The following DNAI2 variants were observed in gnomAD, a reference collection of about 807,000 sequenced individuals.
The protein encoded by DNAI2 is dynein, axonemal, intermediate polypeptide 2.
In DNAI2, 63 loss-of-function variants were observed where a neutral mutation model predicts 74.7. The ratio of observed to expected loss-of-function variants is 0.84; its 90% CI spans 0.69 to 1.04. The LOEUF (loss-of-function observed/expected upper bound fraction) is 1.04. Ranked by LOEUF, DNAI2 falls within the 50% of genes least tolerant of loss-of-function variation. The pLI is 0.00. For synonymous variants in DNAI2, 289 were observed against 314.9 expected, an observed-to-expected ratio of 0.92 and a Z score of 0.87; for missense variants, 688 against 803.2, an observed-to-expected ratio of 0.86 and a Z score of 1.73.
At chr17:74,286,494 C>T (rs1459827262) in intron 3 of DNAI2, among the ~76,000 whole-genome samples, 2 of 151,884 alleles carry the variant, frequency 1.3e-5, no homozygotes, top group African/African-American at 4.8e-5. Flanking sequence ...GATCTTGGGT[C>T]TCTGCAATCT....
chr17:74,276,084 A>T (rs1184757435), intron 1 of DNAI2, among the ~76,000 whole-genome samples: 1 of 151,996 alleles, frequency 6.6e-6, no homozygotes, highest in Non-Finnish European at 1.5e-5. Flanking sequence ...CCAGTCTCCC[A>T]CGCTGACACT....
At chr17:74,314,455 C>A in intron 13 of DNAI2, 134 bp from the exon 14 acceptor site, 1 of 724,832 alleles carries the variant, frequency 1.4e-6, no homozygotes, top group Non-Finnish European at 2.1e-6. Flanking sequence ...TGTCCCGGAG[C>A]TGGCTGCCCC....
At chr17:74,307,315 A>C (rs184199043) in intron 9 of DNAI2, 1 of 456,136 alleles carries the variant, frequency 2.2e-6, no homozygotes, top group South Asian at 1.5e-5. Context: ...GTGTCGTAGA[A>C]CCTGGGTCTC....
chr17:74,313,858 G>A, intron 12 of DNAI2: 1 of 491,090 alleles, frequency 2.0e-6, no homozygotes, highest in South Asian at 2.0e-5. Flanking sequence ...AGACTCAGGA[G>A]GAGCTAGCCC....
Position 74,309,650 on chromosome 17 carries a change from T to G in DNAI2, c.1347+262T>G, listed in dbSNP as rs188746322. 2.9e-4 allele frequency: 199 copies of G among 691,696 alleles called. 1 individual carries two copies. In the African/African-American group the frequency reaches 3.0e-3, roughly 11 times the overall value. 42.8% of individuals were successfully genotyped at this position (691,696 alleles called of 1,614,324 possible). A position where few individuals can be genotyped will look rare whatever the true frequency, so the allele number is the denominator to read the frequency against. On this transcript the variant is annotated intron_variant, in intron 10 of 13. Transcript: ENST00000311014. ...AAATTTAAAAAGAAACAAAAGCAGG[T>G]ACCCGGCATCTCCTACCCACAGGCC...
At chr17:74,286,454 T>C (rs1196115161) in intron 3 of DNAI2, among the ~76,000 whole-genome samples, 2 of 152,090 alleles carry the variant, frequency 1.3e-5, no homozygotes, top group Non-Finnish European at 2.9e-5. Flanking sequence ...AGAGTCTCAT[T>C]CTGTCACCCA....
At chr17:74,276,549 A>G (rs180967967) in intron 1 of DNAI2, among the ~76,000 whole-genome samples, 2 of 152,228 alleles carry the variant, frequency 1.3e-5, no homozygotes, top group East Asian at 3.9e-4. Flanking sequence ...TGACCTTGCT[A>G]TTCATCTGTG....
chr17:74,292,415 CTTTTT>C (rs56013644), intron 6 of DNAI2, among the ~76,000 whole-genome samples: 14 of 112,892 alleles, frequency 1.2e-4, no homozygotes, highest in Non-Finnish European at 2.0e-4. Context: ...TTTTCTTTTT[CTTTTT>C]TTTTTTTTTT....
intron 9 of DNAI2, among the ~76,000 whole-genome samples, chr17:74,306,878 G>A (rs59034534): frequency 0.048 from 7,300 of 152,272 alleles, 575 homozygotes; most frequent in African/African-American, 0.17. Context: ...TCAGCCTCCC[G>A]AAGGGCTGGG....
In DNAI2 at chr17:74,312,082, C is replaced by T. The variant is rs145602856; in HGVS notation, c.1574C>T (p.Ala525Val). The part of the protein sequence containing the change: ...REMRLKEKGK[A>V]EGRDEEQTDE... The stretch of plus-strand genomic sequence containing the variant: ...ATGCGGCTGAAGGAGAAGGGTAAGG[C>T]GGAGGGCAGGGATGAGGAGCAGACC... Residue 525 changes from alanine to valine, a missense_variant, in exon 12 of 14, where the codon GCG becomes GTG. By Grantham distance (64) the Ala-to-Val change is moderately conservative. Transcript: ENST00000311014. 637 of 1,613,162 alleles carry T rather than the reference C, an allele frequency of 3.9e-4. 3 individuals are homozygous for T. The East Asian group carries it at 9.6e-3, about 24-fold the overall frequency.
At chr17:74,287,784 G>A (rs1437979204) in intron 4 of DNAI2, among the ~76,000 whole-genome samples, 3 of 152,262 alleles carry the variant, frequency 2.0e-5, no homozygotes, top group Non-Finnish European at 4.4e-5. Flanking sequence ...GCAAAACCCC[G>A]TCTCTACTAA....
rs1213076789 is a variant in DNAI2, at chr17:74,301,801, C to T, written c.987+633C>T. The stretch of plus-strand genomic sequence containing the variant: ...CCCCCCACCGCCCGCCCAGTCTTTA[C>T]CAAGAAAGAAAGAAAGAAAGAGAGG... On this transcript the variant is annotated intron_variant, in intron 8 of 13. Transcript: ENST00000311014. 2.3e-5 allele frequency among the ~76,000 whole-genome samples: 3 copies of T among 127,956 alleles called. No individual in the cohort carries two copies. The Admixed American group carries it at 2.6e-4, about 11-fold the overall frequency. The allele number at this position is 127,956 out of a possible 152,430, so 83.9% of individuals were successfully genotyped here. A position where few individuals can be genotyped will look rare whatever the true frequency, so the allele number is the denominator to read the frequency against.
intron 6 of DNAI2, among the ~76,000 whole-genome samples, chr17:74,299,014 G>A (rs1567861257): frequency 6.6e-6 from 1 of 152,184 alleles, no homozygotes; most frequent in Admixed American, 6.5e-5. Context: ...CAAAGCTTAC[G>A]AGCTAAGTAC....
intron 13 of DNAI2, 112 bp downstream of exon 13, chr17:74,314,383 C>T (rs144896661): frequency 1.4e-6 from 2 of 1,384,574 alleles, no homozygotes; most frequent in East Asian, 5.0e-5. Context: ...TCACTAGCCC[C>T]CACTGACTCA....
rs2053429327 is a variant in DNAI2, at chr17:74,310,127, T to C, written c.1458T>C (p.Ser486=). 6.8e-6 allele frequency: 11 copies of C among 1,613,754 alleles called. No homozygotes were observed. Among genetic ancestry groups the C allele is most frequent in the Non-Finnish European group, 9.3e-6 (11 of 1,180,014 alleles). The stretch of plus-strand genomic sequence containing the variant: ...TGCTGGAGGTCTCGCCTGGGCTCTC[T>C]ACCCTCCAGAGGAATGAGAAGAACG... ...TTLLEVSPGL[S]TLQRNEKNVA... The change falls in exon 11 of 14, where the codon TCT becomes TCC. Residue 486 remains serine, a synonymous_variant. Coordinates refer to ENST00000311014, the MANE Select transcript of DNAI2 (RefSeq NM_023036.6).
chr17:74,301,918 G>A (rs372977582), intron 8 of DNAI2, among the ~76,000 whole-genome samples: 39 of 10,828 alleles, frequency 3.6e-3, no homozygotes, highest in African/African-American at 5.6e-3. Context: ...AAAGAAGGAA[G>A]GAAGGAAGGA....
At chr17:74,305,019 C>T (rs2053096968) in intron 8 of DNAI2, among the ~76,000 whole-genome samples, 200 bp from the exon 9 acceptor site, 1 of 152,316 alleles carries the variant, frequency 6.6e-6, no homozygotes, top group East Asian at 1.9e-4. Flanking sequence ...GCTCCTTGAG[C>T]AGCTTCCAAA....
chr17:74,276,171 C>T (rs2143832015), intron 1 of DNAI2, among the ~76,000 whole-genome samples: 1 of 152,276 alleles, frequency 6.6e-6, no homozygotes, highest in Admixed American at 6.5e-5. Context: ...GAGGTTCTCT[C>T]CAGGAATTAC....
chr17:74,275,597 C>T (rs2051021042), intron 1 of DNAI2, among the ~76,000 whole-genome samples: 1 of 152,084 alleles, frequency 6.6e-6, no homozygotes, highest in African/African-American at 2.4e-5. Context: ...TGCAGTGGCT[C>T]ACGCCTGTAG....
Sources: gnomAD v4.1 joint callset for allele counts (sites outside exome capture counted in the v4.1 genomes callset) on GRCh38, gnomAD v4.1.1 for gene constraint, MANE v1.5 for transcripts, NCBI Gene and HGNC (gene_info 2026-07-23, HGNC 2026-07-21) for gene names.